PPP1R9B: variants seen among roughly 807,000 people sequenced by gnomAD.
PPP1R9B encodes the protein protein phosphatase 1 regulatory subunit 9B, also known as neurabin-2.
Under a neutral mutation model 75.8 loss-of-function variants are expected in PPP1R9B, and 17 were observed. That is an observed-to-expected ratio of 0.22 (90% CI 0.15 to 0.34). The LOEUF (loss-of-function observed/expected upper bound fraction) is 0.34, where lower values mean the gene tolerates loss of function less well. Ranked by LOEUF, PPP1R9B falls within the 10% of genes least tolerant of loss-of-function variation. The probability of loss-of-function intolerance (pLI) is 1.00; values close to 1 mark genes in which losing one functional copy is unlikely to be tolerated. For missense variants in PPP1R9B, 875 were observed against 1,196.0 expected (o/e 0.73, Z 3.96); for synonymous variants, 509 against 535.4 (o/e 0.95, Z 0.68).
chr17:50,143,771 A>C, intron 2 of PPP1R9B, 53 bp from the exon 3 acceptor site: 1 of 1,605,504 alleles, frequency 6.2e-7, no homozygotes, highest in Non-Finnish European at 8.5e-7. Context: ...CAGACGAGAG[A>C]CTCTCCACCC....
chr17:50,141,792 G>A (rs1325845481), intron 3 of PPP1R9B, among the ~76,000 whole-genome samples: 2 of 152,150 alleles, frequency 1.3e-5, no homozygotes, highest in Non-Finnish European at 2.9e-5. Flanking sequence ...AGGATTAAGT[G>A]TCAGCCAGGC....
At position 50,149,805 on chromosome 17, in the gene PPP1R9B, G is replaced by A; in HGVS notation, c.709C>T (p.Pro237Ser). 1.4e-6 allele frequency: 2 copies of A among 1,422,522 alleles called. No individual in the cohort carries two copies. Among genetic ancestry groups the A allele is most frequent in the South Asian group, 1.5e-5 (1 of 68,000 alleles). The allele number at this position is 1,422,522 out of a possible 1,614,324, so 88.1% of individuals were successfully genotyped here. A position where few individuals can be genotyped will look rare whatever the true frequency, so the allele number is the denominator to read the frequency against. ...GPGLPRAAGVPQVNSKLVSKR... is the reference protein window; with the variant it reads ...GPGLPRAAGVSQVNSKLVSKR... Reference sequence around the variant, plus strand: ...CTGACCAGCTTCGAGTTGACCTGGGGAACCCCTGCGGCCCTGGGGAGCCCG... The same window carrying A: ...CTGACCAGCTTCGAGTTGACCTGGGAAACCCCTGCGGCCCTGGGGAGCCCG... Residue 237 changes from proline to serine, a missense_variant, in exon 1 of 10, where the codon CCC becomes TCC. Transcript: ENST00000612501. This position sits in a 1 kb window ranked among gnomAD's most constrained non-coding sequence, Gnocchi z 7.2.
In PPP1R9B at chr17:50,149,361, CCTT is replaced by C. The variant is rs773260770; in HGVS notation, c.1150_1152del (p.Lys384del). 2 of 1,613,240 alleles carry C rather than the reference CCTT, an allele frequency of 1.2e-6. No individual in the cohort carries two copies. The highest frequency in any genetic ancestry group is 1.3e-5 in the African/African-American group (1 of 74,910). ...ACCAAGTCCGCCTCCGAGAAGTCCT[CCTT>C]CTTGGATTCATCTACCTCCTCAGGG... On this transcript the variant is annotated inframe_deletion, in exon 1 of 10. Transcript: ENST00000612501. This position sits in a 1 kb window ranked among gnomAD's most constrained non-coding sequence, Gnocchi z 7.2.
At position 50,139,955 on chromosome 17, in the gene PPP1R9B, A is replaced by G; in HGVS notation, c.1866+138T>C. The G allele has an allele frequency of 1.0e-6, 1 of 966,092 alleles. No individual in the cohort carries two copies. The highest frequency in any genetic ancestry group is 1.5e-6 in the Non-Finnish European group (1 of 664,258). The allele number at this position is 966,092 out of a possible 1,614,324, so 59.8% of individuals were successfully genotyped here. ...ATTCCTTGTCCGGCCTCTGAAGACA[A>G]AGAGTGTGACTGGAGGACAGGGAAT... On this transcript the variant is annotated intron_variant, in intron 5 of 9. Coordinates refer to ENST00000612501, the MANE Select transcript of PPP1R9B (RefSeq NM_032595.5). This position sits in a 1 kb window ranked among gnomAD's most constrained non-coding sequence, Gnocchi z 5.0.
At position 50,135,636 on chromosome 17, in the gene PPP1R9B, G is replaced by C. The variant is rs1183241701; in HGVS notation, c.2317C>G (p.Leu773Val). The change falls in exon 9 of 10, where the codon CTG becomes GTG. Residue 773 changes from leucine to valine, a missense_variant. Leu to Val is a conservative substitution (Grantham distance 32). Transcript: ENST00000612501. ...KDYQQKEIEF[L>V]KKETAQRRVL... ...CGACGCTGTGCAGTCTCCTTTTTCAGGAACTCGATCTCCCTGGGCACAGGC... is the reference window on the plus strand; with the variant it reads ...CGACGCTGTGCAGTCTCCTTTTTCACGAACTCGATCTCCCTGGGCACAGGC... 2 of 1,607,488 alleles carry C rather than the reference G, an allele frequency of 1.2e-6. No individual in the cohort carries two copies. The highest frequency in any genetic ancestry group is 1.7e-6 in the Non-Finnish European group (2 of 1,176,978).
Position 50,149,305 on chromosome 17 carries a change from C to T in PPP1R9B, c.1209G>A (p.Glu403=). The change falls in exon 1 of 10, where the codon GAG becomes GAA. Residue 403 remains glutamate, a synonymous_variant. Coordinates refer to ENST00000612501, the MANE Select transcript of PPP1R9B (RefSeq NM_032595.5). This position sits in a 1 kb window ranked among gnomAD's most constrained non-coding sequence, Gnocchi z 7.2. ...VDVSAYSGLG[E]DSAGSALEED... ...CCTCCAGGGCACTGCCCGCAGAGTCCTCCCCGAGCCCACTGTAGGCGCTCA... is the reference window on the plus strand; with the variant it reads ...CCTCCAGGGCACTGCCCGCAGAGTCTTCCCCGAGCCCACTGTAGGCGCTCA... 3 of 1,613,398 alleles carry T rather than the reference C, an allele frequency of 1.9e-6. No homozygotes were observed. The highest frequency in any genetic ancestry group is 2.5e-6 in the Non-Finnish European group (3 of 1,179,766).
chr17:50,148,802 C>A (rs1476038458), intron 1 of PPP1R9B, among the ~76,000 whole-genome samples: 2 of 152,256 alleles, frequency 1.3e-5, no homozygotes, highest in Non-Finnish European at 2.9e-5. Context: ...CAGCCTCTGG[C>A]AGCCTCTGGA....
intron 1 of PPP1R9B, among the ~76,000 whole-genome samples, chr17:50,146,841 G>GT (rs1262831651): frequency 2.0e-5 from 3 of 152,210 alleles, no homozygotes; most frequent in Non-Finnish European, 4.4e-5. Context: ...AGGTGGGTGG[G>GT]TCACCGGTGA....
At chr17:50,140,369 T>A in intron 4 of PPP1R9B, 141 bp from the exon 5 acceptor site, 1 of 1,068,670 alleles carries the variant, frequency 9.4e-7, no homozygotes, top group Non-Finnish European at 1.3e-6. Flanking sequence ...GCTGCAGTGT[T>A]AATAATGAAT....
chr17:50,138,162 G>A (rs1468176574), intron 7 of PPP1R9B, among the ~76,000 whole-genome samples: 1 of 64,448 alleles, frequency 1.6e-5, no homozygotes, highest in African/African-American at 9.7e-5. Context: ...ACGTGTGTGT[G>A]TGTGTGTGTG....
At chr17:50,144,476 C>T (rs1466178086) in intron 2 of PPP1R9B, among the ~76,000 whole-genome samples, 1 of 152,198 alleles carries the variant, frequency 6.6e-6, no homozygotes, top group African/African-American at 2.4e-5. Flanking sequence ...TAGACCTTTC[C>T]TGTGCTTCGA....
chr17:50,147,638 C>T (rs910782385), intron 1 of PPP1R9B, among the ~76,000 whole-genome samples: 4 of 152,138 alleles, frequency 2.6e-5, no homozygotes, highest in Admixed American at 6.5e-5. Context: ...AATCGGACTT[C>T]TCGCAAAATT....
chr17:50,141,984 C>A (rs1023170105), intron 3 of PPP1R9B, among the ~76,000 whole-genome samples: 2 of 152,224 alleles, frequency 1.3e-5, no homozygotes, highest in African/African-American at 2.4e-5. Flanking sequence ...AGGAGCCCCA[C>A]AGCACACAAG....
At position 50,149,608 on chromosome 17, in the gene PPP1R9B, C is replaced by T. The variant is rs756591529; in HGVS notation, c.906G>A (p.Glu302=). Residue 302 remains glutamate, a synonymous_variant, in exon 1 of 10, where the codon GAG becomes GAA. Coordinates refer to ENST00000612501, the MANE Select transcript of PPP1R9B (RefSeq NM_032595.5). The surrounding 1 kb of genome is among the most constrained non-coding windows in gnomAD (Gnocchi z 7.2). ...PREVRKIKPV[E]VEESGESEAE... ...CCTCCGACTCCCCGCTCTCCTCCAC[C>T]TCCACCGGCTTAATCTTGCGCACCT... 1 of 1,556,280 alleles carries T rather than the reference C, an allele frequency of 6.4e-7. No homozygotes were observed. The highest frequency in any genetic ancestry group is 1.2e-5 in the South Asian group (1 of 84,662).
chr17:50,148,104 G>A (rs1442911410), intron 1 of PPP1R9B, among the ~76,000 whole-genome samples: 1 of 152,080 alleles, frequency 6.6e-6, no homozygotes, highest in Admixed American at 6.5e-5. Context: ...CAAGAGTGGA[G>A]GGTGGTGGGA....
chr17:50,150,238 G>A lies in PPP1R9B; in HGVS notation c.276C>T (p.Arg92=), dbSNP rs898195543. 1.3e-5 allele frequency: 18 copies of A among 1,439,300 alleles called. No individual in the cohort carries two copies. Among genetic ancestry groups the A allele is most frequent in the East Asian group, 6.3e-5 (2 of 31,744 alleles). The allele number at this position is 1,439,300 out of a possible 1,614,324, so 89.2% of individuals were successfully genotyped here. A position where few individuals can be genotyped will look rare whatever the true frequency, so the allele number is the denominator to read the frequency against. The change falls in exon 1 of 10, where the codon CGC becomes CGT. Residue 92 remains arginine (R), a synonymous_variant. Coordinates refer to ENST00000612501, the MANE Select transcript of PPP1R9B (RefSeq NM_032595.5). The surrounding 1 kb of genome is among the most constrained non-coding windows in gnomAD (Gnocchi z 8.7). ...EAPRASERGV[R]LSLPRASSLN... ...GGCTGCTGGCCCGCGGCAGCGACAG[G>A]CGCACGCCGCGCTCGGACGCCCGTG...
At chr17:50,141,441 C>T in intron 3 of PPP1R9B, 68 bp from the exon 4 acceptor site, 1 of 1,011,324 alleles carries the variant, frequency 9.9e-7, no homozygotes, top group Non-Finnish European at 1.5e-6. Context: ...TAGCCTCCTC[C>T]CATCAGAAAC....
In PPP1R9B at chr17:50,143,837, C is replaced by G. The variant is rs564679524; in HGVS notation, c.1505-119G>C. On this transcript the variant is annotated intron_variant, in intron 2 of 9. Coordinates refer to ENST00000612501, the MANE Select transcript of PPP1R9B (RefSeq NM_032595.5). ...AAGCAGTCCCCATTAGGGGATGTCC[C>G]ACAACTGAAGAAGGGATATAGTTCT... 1.9e-5 allele frequency: 26 copies of G among 1,376,592 alleles called. No individual in the cohort carries two copies. In the African/African-American group the frequency reaches 3.7e-4, roughly 20 times the overall value. The allele number at this position is 1,376,592 out of a possible 1,614,324, so 85.3% of individuals were successfully genotyped here. A position where few individuals can be genotyped will look rare whatever the true frequency, so the allele number is the denominator to read the frequency against.
chr17:50,143,062 G>C (rs1567729093), intron 3 of PPP1R9B, among the ~76,000 whole-genome samples: 1 of 152,168 alleles, frequency 6.6e-6, no homozygotes. Context: ...TGCCCAGAGA[G>C]ATTAAACCCT....
Sources: gnomAD v4.1 joint callset for allele counts (sites outside exome capture counted in the v4.1 genomes callset) on GRCh38, gnomAD v4.1.1 for gene constraint, Gnocchi (gnomAD v3.1) non-coding constraint, MANE v1.5 for transcripts, NCBI Gene and HGNC (gene_info 2026-07-23, HGNC 2026-07-21) for gene names.